Variants in DLG2 observed in about 807,000 individuals in gnomAD.
The protein encoded by DLG2 is discs large MAGUK scaffold protein 2, also known as disks large homolog 2.
In DLG2, 45 loss-of-function variants were observed where a neutral mutation model predicts 132.5. That is an observed-to-expected ratio of 0.34 (90% CI 0.27 to 0.44). The LOEUF is 0.44. DLG2 is among the 20% of genes least tolerant of loss of function. The pLI, the probability that DLG2 is intolerant of heterozygous loss-of-function variation, is 1.00. For missense variants in DLG2, 1,045 were observed against 1,196.9 expected (o/e 0.87, Z 1.87); for synonymous variants, 424 against 419.6 (o/e 1.01, Z -0.13).
At chr11:85,188,452 T>C (rs2080290230) in intron 4 of DLG2, among the ~76,000 whole-genome samples, 1 of 152,172 alleles carries the variant, frequency 6.6e-6, no homozygotes, top group Non-Finnish European at 1.5e-5. Flanking sequence ...GTCTAGTTTT[T>C]TTAAAAACAG....
chr11:83,722,769 G>A (rs150258474), intron 18 of DLG2, among the ~76,000 whole-genome samples: 3 of 152,150 alleles, frequency 2.0e-5, no homozygotes, highest in Non-Finnish European at 4.4e-5. Context: ...ATGTTTGGAT[G>A]CAAGTCTCTT....
chr11:83,981,155 A>C (rs935454290), intron 11 of DLG2, among the ~76,000 whole-genome samples: 28 of 152,328 alleles, frequency 1.8e-4, no homozygotes, highest in African/African-American at 6.0e-4. Context: ...ACAAATTCTG[A>C]GGCAAGAGCC....
intron 7 of DLG2, among the ~76,000 whole-genome samples, chr11:84,252,526 A>G (rs1246229054): frequency 3.3e-5 from 5 of 152,094 alleles, no homozygotes; most frequent in African/African-American, 7.2e-5. Context: ...ATCATATTGG[A>G]TATGTTCAAC....
chr11:84,012,372 CT>C (rs2094934240), intron 11 of DLG2, among the ~76,000 whole-genome samples: 1 of 152,130 alleles, frequency 6.6e-6, no homozygotes, highest in South Asian at 2.1e-4. Context: ...AGTCAAGCTA[CT>C]CTTGACTTCC....
chr11:83,720,064 G>T (rs900724357), intron 18 of DLG2, among the ~76,000 whole-genome samples: 1 of 151,726 alleles, frequency 6.6e-6, no homozygotes, highest in African/African-American at 2.4e-5. Context: ...AGGCCGAGGT[G>T]GACGGATCAC....
chr11:84,382,237 C>T (rs1363503703), intron 7 of DLG2, among the ~76,000 whole-genome samples: 1 of 151,982 alleles, frequency 6.6e-6, no homozygotes, highest in African/African-American at 2.4e-5. Flanking sequence ...CTCCTCAAAC[C>T]AGTTTTTTTT....
intron 2 of DLG2, among the ~76,000 whole-genome samples, chr11:85,615,772 A>G (rs1295955276): frequency 6.6e-6 from 1 of 152,046 alleles, no homozygotes; most frequent in African/African-American, 2.4e-5. Flanking sequence ...TTTTAAAAAC[A>G]CGCATGGCAT....
chr11:84,251,867 T>C (rs1598394209), intron 7 of DLG2, among the ~76,000 whole-genome samples: 1 of 152,030 alleles, frequency 6.6e-6, no homozygotes. Context: ...CTTGATCTCC[T>C]GACCTTGTGA....
intron 6 of DLG2, among the ~76,000 whole-genome samples, chr11:84,921,935 A>G (rs2092775863): frequency 6.6e-6 from 1 of 152,232 alleles, no homozygotes; most frequent in Non-Finnish European, 1.5e-5. Flanking sequence ...CAAATTCTAT[A>G]GAACTCTGCA....
chr11:83,949,723 T>G (rs567264507), intron 14 of DLG2, among the ~76,000 whole-genome samples: 1 of 152,326 alleles, frequency 6.6e-6, no homozygotes, highest in South Asian at 2.1e-4. Context: ...ACTTTGTATC[T>G]TTTGACTAAT....
At chr11:84,453,174 A>G (rs906985307) in intron 7 of DLG2, among the ~76,000 whole-genome samples, 1 of 151,750 alleles carries the variant, frequency 6.6e-6, no homozygotes, top group African/African-American at 2.4e-5. Context: ...CACTGGATAT[A>G]TAAGTCCAGA....
chr11:85,187,247 C>A (rs938389452), intron 4 of DLG2, among the ~76,000 whole-genome samples: 1 of 151,688 alleles, frequency 6.6e-6, no homozygotes, highest in East Asian at 1.9e-4. Context: ...AAAAATAAAC[C>A]GAAGAAAAAC....
At chr11:84,498,655 T>C (rs1475033704) in intron 7 of DLG2, among the ~76,000 whole-genome samples, 1 of 152,132 alleles carries the variant, frequency 6.6e-6, no homozygotes, top group Non-Finnish European at 1.5e-5. Flanking sequence ...AACCCTACTT[T>C]AAAAAAATGA....
intron 14 of DLG2, among the ~76,000 whole-genome samples, chr11:83,955,706 T>TG (rs2086660753): frequency 6.6e-6 from 1 of 151,986 alleles, no homozygotes; most frequent in African/African-American, 2.4e-5. Context: ...TCAATTGGAG[T>TG]GGACACCATC....
chr11:84,622,440 T>C (rs2099615650), intron 6 of DLG2, among the ~76,000 whole-genome samples: 1 of 152,068 alleles, frequency 6.6e-6, no homozygotes, highest in Non-Finnish European at 1.5e-5. Context: ...GGATATGAAA[T>C]CCAAAAGTCA....
chr11:83,692,435 C>G (rs748817351), intron 18 of DLG2, among the ~76,000 whole-genome samples: 8 of 151,988 alleles, frequency 5.3e-5, no homozygotes, highest in Non-Finnish European at 1.0e-4. Context: ...CTAGAATAGG[C>G]AAATCCATAT....
At chr11:85,535,985 G>T (rs2075552561) in intron 3 of DLG2, among the ~76,000 whole-genome samples, 1 of 151,686 alleles carries the variant, frequency 6.6e-6, no homozygotes, top group Non-Finnish European at 1.5e-5. Context: ...GGAGGCCAAG[G>T]CAGGCAGATG....
intron 8 of DLG2, among the ~76,000 whole-genome samples, chr11:84,170,691 C>T (rs1199258346): frequency 3.3e-5 from 5 of 152,164 alleles, no homozygotes; most frequent in Admixed American, 2.0e-4. Flanking sequence ...CTACTGGAGA[C>T]AGCACTGACC....
intron 6 of DLG2, among the ~76,000 whole-genome samples, chr11:84,617,657 T>G (rs1233816543): frequency 3.3e-5 from 5 of 152,012 alleles, no homozygotes; most frequent in African/African-American, 4.8e-5. Context: ...TTGCTTCCCT[T>G]TTTTTTATGT....
Sources: gnomAD v4.1 joint callset for allele counts (sites outside exome capture counted in the v4.1 genomes callset) on GRCh38, gnomAD v4.1.1 for gene constraint, MANE v1.5 for transcripts, NCBI Gene and HGNC (gene_info 2026-07-23, HGNC 2026-07-21) for gene names.